Variants in POLD3 observed in about 807,000 individuals in gnomAD.
POLD3 encodes the protein DNA polymerase delta 3, accessory subunit.
POLD3 carries 19 observed loss-of-function variants against 58.2 expected under a neutral mutation model. That is an observed-to-expected ratio of 0.33 (90% CI 0.23 to 0.48). The LOEUF (loss-of-function observed/expected upper bound fraction) is 0.48, where lower values mean the gene tolerates loss of function less well. Among genes scored for constraint, POLD3 ranks in the 20% least tolerant of loss-of-function variants. The probability of loss-of-function intolerance (pLI) is 0.99; values close to 1 mark genes in which losing one functional copy is unlikely to be tolerated. For synonymous variants in POLD3, 172 were observed against 193.5 expected (o/e 0.89, Z 0.92); for missense variants, 504 against 545.5 (o/e 0.92, Z 0.76).
chr11:74,667,316 A>G (rs1487226130), intron 4 of POLD3, among the ~76,000 whole-genome samples: 1 of 152,224 alleles, frequency 6.6e-6, no homozygotes, highest in East Asian at 1.9e-4. Flanking sequence ...CGGGCAGATC[A>G]CAAGGTCAGG....
intron 4 of POLD3, among the ~76,000 whole-genome samples, chr11:74,658,707 T>C (rs2033167380): frequency 6.6e-6 from 1 of 152,182 alleles, no homozygotes; most frequent in African/African-American, 2.4e-5. Flanking sequence ...AGTCAAATTT[T>C]AAAGCTACAA....
At chr11:74,660,263 G>A (rs556422183) in intron 4 of POLD3, among the ~76,000 whole-genome samples, 4 of 152,292 alleles carry the variant, frequency 2.6e-5, no homozygotes, top group Non-Finnish European at 4.4e-5. Flanking sequence ...CTCACAACAG[G>A]TGGGAATTCT....
intron 4 of POLD3, among the ~76,000 whole-genome samples, chr11:74,666,387 G>A (rs1217499471): frequency 2.6e-5 from 4 of 152,160 alleles, no homozygotes; most frequent in African/African-American, 9.7e-5. Context: ...TTGGGAGGCC[G>A]AGGCAGGTGG....
intron 4 of POLD3, among the ~76,000 whole-genome samples, chr11:74,658,216 A>T (rs995966463): frequency 6.6e-6 from 1 of 152,194 alleles, no homozygotes; most frequent in Non-Finnish European, 1.5e-5. Context: ...GAGGAAGCAA[A>T]AGCAGAAACC....
chr11:74,608,999 T>A (rs1052653053), intron 3 of POLD3, among the ~76,000 whole-genome samples: 4 of 152,184 alleles, frequency 2.6e-5, no homozygotes, highest in African/African-American at 7.2e-5. Flanking sequence ...CTGTTTTTTT[T>A]ATGTTGTGAA....
chr11:74,640,473 T>G, intron 11 of POLD3, 91 bp from the exon 12 acceptor site: 1 of 1,420,610 alleles, frequency 7.0e-7, no homozygotes, highest in Non-Finnish European at 9.3e-7. Context: ...GATCAGAGTC[T>G]GAAATGATTG....
intron 9 of POLD3, among the ~76,000 whole-genome samples, chr11:74,631,444 C>CT (rs1246809564): frequency 6.8e-6 from 1 of 147,352 alleles, no homozygotes; most frequent in Non-Finnish European, 1.5e-5. Flanking sequence ...CAAGACAGTG[C>CT]TTGGTACATG....
chr11:74,665,249 A>G (rs1398631559), intron 4 of POLD3, among the ~76,000 whole-genome samples: 2 of 150,376 alleles, frequency 1.3e-5, no homozygotes, highest in Non-Finnish European at 3.0e-5. Flanking sequence ...ACTTGAACCC[A>G]GGAAGCGGAG....
intron 4 of POLD3, among the ~76,000 whole-genome samples, chr11:74,663,518 T>C (rs559503972): frequency 1.6e-4 from 25 of 152,234 alleles, no homozygotes; most frequent in Admixed American, 3.9e-4. Context: ...GACATAAAGA[T>C]AGAAAAAATA....
At chr11:74,644,461 T>C (rs2032975826), downstream of POLD3, among the ~76,000 whole-genome samples, 4 of 152,198 alleles carry the variant, frequency 2.6e-5, no homozygotes, top group Admixed American at 2.6e-4. Flanking sequence ...CCATGCCCTC[T>C]CTGAAGGGCA....
chr11:74,594,961 AT>A (rs1176324808), intron 2 of POLD3, among the ~76,000 whole-genome samples: 2 of 152,178 alleles, frequency 1.3e-5, no homozygotes, highest in Non-Finnish European at 1.5e-5. Flanking sequence ...TCAAGTTGAG[AT>A]TTGGGTGGGG....
At chr11:74,633,180 C>T (rs2032645450) in intron 9 of POLD3, among the ~76,000 whole-genome samples, 1 of 152,182 alleles carries the variant, frequency 6.6e-6, no homozygotes, top group African/African-American at 2.4e-5. Flanking sequence ...AATTTTCCTC[C>T]TCCCATTATA....
chr11:74,636,735 G>A (rs748058031), intron 11 of POLD3, among the ~76,000 whole-genome samples: 3 of 152,066 alleles, frequency 2.0e-5, no homozygotes, highest in Non-Finnish European at 2.9e-5. Flanking sequence ...TGATTAGACT[G>A]TAATCAAGAG....
chr11:74,592,956 G>A, intron 1 of POLD3: 12 of 1,382,932 alleles, frequency 8.7e-6, no homozygotes, highest in South Asian at 1.6e-5. Flanking sequence ...AACAGAGCCT[G>A]GGGCTGGAGC....
chr11:74,593,548 G>A (rs959114919), intron 1 of POLD3, among the ~76,000 whole-genome samples: 1 of 152,212 alleles, frequency 6.6e-6, no homozygotes, highest in Non-Finnish European at 1.5e-5. Context: ...GAGGGATGAA[G>A]GCTTGATGCT....
chr11:74,617,268 C>T (rs1347615669), intron 5 of POLD3, among the ~76,000 whole-genome samples: 5 of 152,264 alleles, frequency 3.3e-5, no homozygotes, highest in Admixed American at 6.5e-5. Context: ...AGCTGTTCCA[C>T]CAATTTTCTT....
rs145096550 is a variant in POLD3, at chr11:74,641,416, T to G, written c.*650T>G. The G allele has an allele frequency of 2.8e-5, 28 of 985,450 alleles. No homozygotes were observed. In the African/African-American group the frequency reaches 4.9e-4, roughly 17 times the overall value. The allele number at this position is 985,450 out of a possible 1,614,324, so 61.0% of individuals were successfully genotyped here. A position where few individuals can be genotyped will look rare whatever the true frequency, so the allele number is the denominator to read the frequency against. On this transcript the variant is annotated 3_prime_UTR_variant, in exon 12 of 12. Transcript: ENST00000263681. Reference sequence around the variant, plus strand: ...CTTTCACAAAAGCTCTCTGGGACCTTCACTTGCAATTAGTGGTTAGGGAAA... The same window carrying G: ...CTTTCACAAAAGCTCTCTGGGACCTGCACTTGCAATTAGTGGTTAGGGAAA...
chr11:74,668,549 G>A (rs2033300059), intron 4 of POLD3, among the ~76,000 whole-genome samples: 1 of 152,172 alleles, frequency 6.6e-6, no homozygotes, highest in African/African-American at 2.4e-5. Context: ...TTTGCTGGAT[G>A]AATAAATGTA....
chr11:74,631,694 C>T (rs1041369753), intron 9 of POLD3, among the ~76,000 whole-genome samples: 2 of 151,694 alleles, frequency 1.3e-5, no homozygotes, highest in African/African-American at 4.8e-5. Context: ...ATGTTGGCCA[C>T]GCTGGTCTTG....
Sources: allele counts gnomAD v4.1 joint callset (sites outside exome capture counted in the v4.1 genomes callset), GRCh38; gene constraint gnomAD v4.1.1; transcripts MANE v1.5; gene names NCBI Gene and HGNC (gene_info 2026-07-23, HGNC 2026-07-21).